Variants in NFATC3 observed in about 807,000 individuals in gnomAD.
NFATC3 encodes nuclear factor of activated T-cells, cytoplasmic 3.
NFATC3 carries 46 observed loss-of-function variants against 98.6 expected under a neutral mutation model. The observed-to-expected ratio is 0.47, with a 90% CI of 0.37 to 0.60. The LOEUF (loss-of-function observed/expected upper bound fraction) is 0.60, where lower values mean the gene tolerates loss of function less well. Ranked by LOEUF, NFATC3 falls within the 20% of genes least tolerant of loss-of-function variation. NFATC3 has a pLI of 0.00. For synonymous variants in NFATC3, 512 were observed against 472.2 expected, an observed-to-expected ratio of 1.08 and a Z score of -1.09; for missense variants, 1,256 against 1,295.5, an observed-to-expected ratio of 0.97 and a Z score of 0.47.
At chr16:68,138,366 CTAT>C in intron 3 of NFATC3, 1 of 548,690 alleles carries the variant, frequency 1.8e-6, no homozygotes, top group Non-Finnish European at 2.8e-6. Context: ...TGCTTGTTTA[CTAT>C]TATTATAGTT....
At chr16:68,094,513 T>C (rs2034902600) in intron 1 of NFATC3, among the ~76,000 whole-genome samples, 1 of 152,228 alleles carries the variant, frequency 6.6e-6, no homozygotes, top group African/African-American at 2.4e-5. Context: ...TACACATTTT[T>C]TTCCTTGATA....
intron 3 of NFATC3, among the ~76,000 whole-genome samples, chr16:68,153,017 C>T (rs1360695652): frequency 6.6e-6 from 1 of 152,184 alleles, no homozygotes; most frequent in Non-Finnish European, 1.5e-5. Context: ...ATAATCAGTA[C>T]ATACTCATCA....
chr16:68,189,998 G>A (rs1392899657), intron 8 of NFATC3, among the ~76,000 whole-genome samples: 4 of 152,168 alleles, frequency 2.6e-5, no homozygotes, highest in Admixed American at 6.6e-5. Flanking sequence ...GAGATTGCAC[G>A]ATGGCACTCC....
rs57137364 is a variant in NFATC3, at chr16:68,115,739, G to T, written c.104-6248G>T. ...CATACCTGGCCGATTGTTTTTTTTTGTTGTTGTTGTTTGTTTTAAATTTTT... is the reference window on the plus strand; with the variant it reads ...CATACCTGGCCGATTGTTTTTTTTTTTTGTTGTTGTTTGTTTTAAATTTTT... On this transcript the variant is annotated intron_variant, in intron 1 of 9. Coordinates refer to ENST00000346183, the MANE Select transcript of NFATC3 (RefSeq NM_173165.3). Among the ~76,000 whole-genome samples, 575 of 150,446 alleles carry T rather than the reference G, an allele frequency of 3.8e-3. 7 individuals are homozygous for T. Among genetic ancestry groups the T allele is most frequent in the African/African-American group, 0.013 (537 of 41,224 alleles).
intron 1 of NFATC3, among the ~76,000 whole-genome samples, chr16:68,121,370 TTTTTTTTTAATAAACACA>T (rs1481311624): frequency 6.6e-6 from 1 of 151,418 alleles, no homozygotes; most frequent in Non-Finnish European, 1.5e-5. Flanking sequence ...GATGTGTTTT[TTTTTTTTTAATAAACACA>T]TTTATTGAGC....
chr16:68,111,612 G>T (rs1481773172), intron 1 of NFATC3, among the ~76,000 whole-genome samples: 2 of 152,088 alleles, frequency 1.3e-5, no homozygotes, highest in Non-Finnish European at 2.9e-5. Context: ...GGGGTATTTA[G>T]TCCATTTACT....
At chr16:68,088,459 TA>T (rs1271110011) in intron 1 of NFATC3, among the ~76,000 whole-genome samples, 2 of 143,208 alleles carry the variant, frequency 1.4e-5, no homozygotes, top group Non-Finnish European at 3.0e-5. Context: ...AAAATGCATA[TA>T]ATTATATATA....
At chr16:68,092,069 G>C (rs12446198) in intron 1 of NFATC3, among the ~76,000 whole-genome samples, 4 of 152,074 alleles carry the variant, frequency 2.6e-5, no homozygotes, top group Non-Finnish European at 5.9e-5. Context: ...GGCAATTGGG[G>C]CTCTAAGATT....
intron 3 of NFATC3, among the ~76,000 whole-genome samples, chr16:68,153,501 C>T (rs116811576): frequency 6.6e-6 from 1 of 152,318 alleles, no homozygotes; most frequent in African/African-American, 2.4e-5. Context: ...GCATATACAT[C>T]TTATGTAGCC....
chr16:68,197,127 A>G lies in NFATC3; in HGVS notation c.3106+5352A>G, dbSNP rs929268941. Among the ~76,000 whole-genome samples, 4 of 152,112 alleles carry G rather than the reference A, an allele frequency of 2.6e-5. No individual in the cohort carries two copies. The South Asian group carries it at 8.3e-4, about 32-fold the overall frequency. On this transcript the variant is annotated intron_variant, in intron 9 of 9. Coordinates refer to ENST00000346183, the MANE Select transcript of NFATC3 (RefSeq NM_173165.3). The stretch of plus-strand genomic sequence containing the variant: ...TTTTTAATTTTTTTTTATTTTTTGT[A>G]GAGATGAAATCTTGCTAAACTGCCC...
At chr16:68,162,993 T>C (rs553533430) in intron 4 of NFATC3, among the ~76,000 whole-genome samples, 19 of 151,916 alleles carry the variant, frequency 1.3e-4, no homozygotes, top group Admixed American at 9.8e-4. Context: ...ACAAAGCACA[T>C]CTTGCACCGC....
At chr16:68,087,603 A>G (rs1227869616) in intron 1 of NFATC3, among the ~76,000 whole-genome samples, 1 of 152,178 alleles carries the variant, frequency 6.6e-6, no homozygotes, top group Non-Finnish European at 1.5e-5. Flanking sequence ...AAAGTGAACA[A>G]TTGAGTGCAT....
intron 1 of NFATC3, among the ~76,000 whole-genome samples, chr16:68,110,377 C>T (rs550189798): frequency 3.0e-4 from 44 of 148,634 alleles, no homozygotes; most frequent in Non-Finnish European, 4.4e-4. Flanking sequence ...GGCCCAATCT[C>T]GGCTCACTGT....
rs78084781 is a variant in NFATC3 at position 68,131,650 on chromosome 16, C to CT, written c.1401+5056dup. ...GCAGATACCAAGCACAATCAAGGTA[C>CT]TTTTTTTTTTTTTTTTAAGTAGAAA... On this transcript the variant is annotated intron_variant, in intron 3 of 9. Transcript: ENST00000346183. 9.9e-3 allele frequency among the ~76,000 whole-genome samples: 1,373 copies of CT among 138,268 alleles called. 10 individuals carry two copies. The highest frequency in any genetic ancestry group is 0.021 in the African/African-American group (796 of 37,924). The allele number at this position is 138,268 out of a possible 152,430, so 90.7% of individuals were successfully genotyped here. A position where few individuals can be genotyped will look rare whatever the true frequency, so the allele number is the denominator to read the frequency against.
At chr16:68,163,556 C>T (rs2039012505) in intron 4 of NFATC3, among the ~76,000 whole-genome samples, 1 of 152,014 alleles carries the variant, frequency 6.6e-6, no homozygotes, top group Non-Finnish European at 1.5e-5. Flanking sequence ...CCCCCACCTC[C>T]CTCCTGGACG....
intron 1 of NFATC3, among the ~76,000 whole-genome samples, chr16:68,104,365 G>A (rs1380216610): frequency 1.3e-5 from 2 of 152,070 alleles, no homozygotes; most frequent in Non-Finnish European, 2.9e-5. Flanking sequence ...AATTTTATGT[G>A]TTGATGTTTT....
chr16:68,134,658 G>A (rs2037294110), intron 3 of NFATC3, among the ~76,000 whole-genome samples: 1 of 152,166 alleles, frequency 6.6e-6, no homozygotes, highest in African/African-American at 2.4e-5. Context: ...GGGCAAAAAA[G>A]GATTCATAGT....
chr16:68,129,323 A>G (rs2037002311), intron 3 of NFATC3, among the ~76,000 whole-genome samples: 1 of 152,150 alleles, frequency 6.6e-6, no homozygotes, highest in Non-Finnish European at 1.5e-5. Context: ...TTCTGGTACC[A>G]GCAGTTTTTA....
At chr16:68,226,281 T>C in intron 9 of NFATC3, 69 bp from the exon 10 acceptor site, 1 of 1,511,942 alleles carries the variant, frequency 6.6e-7, no homozygotes. Context: ...GAGGTAGAGC[T>C]CAGCGTTGGG....
Sources: allele counts gnomAD v4.1 joint callset (sites outside exome capture counted in the v4.1 genomes callset), GRCh38; gene constraint gnomAD v4.1.1; transcripts MANE v1.5; gene names NCBI Gene and HGNC (gene_info 2026-07-23, HGNC 2026-07-21).